The following NIN variants were observed in gnomAD, a reference collection of about 807,000 sequenced individuals.
NIN encodes the protein ninein.
A neutral mutation model predicts 257.6 loss-of-function variants in NIN; 137 were observed. The observed-to-expected ratio is 0.53, with a 90% CI of 0.46 to 0.61. The LOEUF is 0.61. Among genes scored for constraint, NIN ranks in the 20% least tolerant of loss-of-function variants. NIN has a pLI of 0.00. For synonymous variants in NIN, 918 were observed against 919.8 expected (o/e 1.00, Z 0.04); for missense variants, 2,439 against 2,501.2 (o/e 0.98, Z 0.53).
At chr14:50,730,877 G>A (rs780071962) in intron 28 of NIN, 3 of 1,307,624 alleles carry the variant, frequency 2.3e-6, no homozygotes, top group Non-Finnish European at 3.0e-6. Flanking sequence ...GGGGTTTAAT[G>A]AGATGGCTCC....
chr14:50,760,950 T>C (rs1330835519), intron 16 of NIN, among the ~76,000 whole-genome samples: 1 of 152,194 alleles, frequency 6.6e-6, no homozygotes, highest in East Asian at 1.9e-4. Context: ...ATTACAGGCA[T>C]GAGCCACTGT....
At position 50,806,835 on chromosome 14, in the gene NIN, A is replaced by G. The variant is rs778319416; in HGVS notation, c.184-17T>C. ...AAAATGTACCTAAAAAAAATTAAAA[A>G]TAGATTTAAAGTAATTTCCACAGCT... On this transcript the variant is annotated splice_polypyrimidine_tract_variant and intron_variant, in intron 3 of 30. Coordinates refer to ENST00000530997, the MANE Select transcript of NIN (RefSeq NM_020921.4). 3.1e-6 allele frequency: 4 copies of G among 1,277,730 alleles called. No homozygotes were observed. The South Asian group carries it at 5.0e-5, about 16-fold the overall frequency. The allele number at this position is 1,277,730 out of a possible 1,614,324, so 79.1% of individuals were successfully genotyped here.
intron 12 of NIN, among the ~76,000 whole-genome samples, chr14:50,770,057 G>T (rs2042667932): frequency 6.6e-6 from 1 of 152,152 alleles, no homozygotes; most frequent in Non-Finnish European, 1.5e-5. Context: ...AGAAGATGGG[G>T]ATCTGAGGGT....
At chr14:50,808,719 G>A (rs2044446329) in intron 3 of NIN, among the ~76,000 whole-genome samples, 2 of 152,214 alleles carry the variant, frequency 1.3e-5, no homozygotes, top group South Asian at 4.1e-4. Flanking sequence ...CTCAGGAAAT[G>A]TCACAGAGAG....
intron 7 of NIN, among the ~76,000 whole-genome samples, chr14:50,773,963 G>T (rs1243027293): frequency 5.9e-5 from 9 of 152,198 alleles, no homozygotes; most frequent in Admixed American, 5.9e-4. Flanking sequence ...CCTCCCACTA[G>T]CAGTCAGATT....
At chr14:50,729,260 T>TG (rs1348007808) in intron 29 of NIN, among the ~76,000 whole-genome samples, 33 of 140,380 alleles carry the variant, frequency 2.4e-4, no homozygotes, top group African/African-American at 8.8e-4. Flanking sequence ...ATTTTGTTTT[T>TG]TTTTTTTTTA....
At chr14:50,747,806 A>G (rs543320079) in intron 22 of NIN, among the ~76,000 whole-genome samples, 186 bp downstream of exon 22, 20 of 152,244 alleles carry the variant, frequency 1.3e-4, no homozygotes, top group African/African-American at 4.8e-4. Flanking sequence ...ATAATTAGCA[A>G]TAGCCTTTAC....
Position 50,805,966 on chromosome 14 carries a change from T to C in NIN, c.265+771A>G, listed in dbSNP as rs561847546. The C allele has an allele frequency of 2.0e-5, 3 of 152,316 alleles. 1 individual carries two copies. The highest frequency in any genetic ancestry group is 7.2e-5 in the African/African-American group (3 of 41,562). The allele number at this position is 152,316 out of a possible 1,614,324, so 9.4% of individuals were successfully genotyped here. ...ATATAAATTTCCACAGTTTTTAGAC[T>C]TTCCTTTACACATCTACCATATTTC... On this transcript the variant is annotated intron_variant, in intron 4 of 30. Transcript: ENST00000530997.
intron 29 of NIN, chr14:50,727,373 C>G (rs1330303649): frequency 2.0e-6 from 2 of 1,008,152 alleles, no homozygotes; most frequent in African/African-American, 1.7e-5. Context: ...AAAATAGTTA[C>G]AACATATGGA....
intron 7 of NIN, 89 bp downstream of exon 7, chr14:50,776,860 G>A: frequency 1.7e-6 from 2 of 1,166,340 alleles, no homozygotes; most frequent in Non-Finnish European, 2.4e-6. Flanking sequence ...CTAACAAGCT[G>A]CAGAGAGCCA....
intron 21 of NIN, among the ~76,000 whole-genome samples, chr14:50,750,322 A>G (rs1027340852): frequency 1.6e-4 from 24 of 152,202 alleles, no homozygotes; most frequent in Non-Finnish European, 3.1e-4. Context: ...CTTTGTATAC[A>G]TATTAGAAAC....
At position 50,757,609 on chromosome 14, in the gene NIN, G is replaced by C; in HGVS notation, c.3421C>G (p.Arg1141Gly). ...RTKQVEGVTR[R>G]HVLSDLEDDE... ...TCTTCCAGGTCACTTAGGACATGCC[G>C]CCTGGTCACACCTTCTACTTGCTTC... is the stretch of plus-strand genomic sequence containing the variant. Residue 1141 changes from arginine to glycine, a missense_variant, in exon 18 of 31, where the codon CGG becomes GGG. Physicochemically the swap from Arg to Gly is moderately radical, Grantham distance 125 (BLOSUM62 -2). Around this residue, in one of 3 missense-constraint regions of NIN, gnomAD observed 2,043 missense variants for 2,050.2 expected, o/e 1.00. Coordinates refer to ENST00000530997, the MANE Select transcript of NIN (RefSeq NM_020921.4). The C allele has an allele frequency of 1.2e-6, 2 of 1,614,054 alleles. No homozygotes were observed. Among genetic ancestry groups the C allele is most frequent in the Middle Eastern group, 1.6e-4 (1 of 6,062 alleles).
Position 50,831,161 on chromosome 14 carries a change from C to T in NIN, c.-231G>A, listed in dbSNP as rs1341335229. ...AGCTCTGGACGCCGGGGAGGAAGGG[C>T]CGGGCCCGCGCGGGGAGGAGGAGTC... On this transcript the variant is annotated 5_prime_UTR_variant, in exon 1 of 31. Coordinates refer to ENST00000530997, the MANE Select transcript of NIN (RefSeq NM_020921.4). 1.3e-5 allele frequency: 2 copies of T among 150,616 alleles called. No homozygotes were observed. The highest frequency in any genetic ancestry group is 2.4e-5 in the African/African-American group (1 of 41,266). 9.3% of individuals were successfully genotyped at this position (150,616 alleles called of 1,614,324 possible).
At chr14:50,802,447 T>C (rs1044210666) in intron 4 of NIN, among the ~76,000 whole-genome samples, 4 of 152,212 alleles carry the variant, frequency 2.6e-5, no homozygotes, top group Non-Finnish European at 2.9e-5. Context: ...CCCAAGACTA[T>C]AGAAATAACT....
intron 5 of NIN, among the ~76,000 whole-genome samples, chr14:50,788,167 A>G (rs954972862): frequency 8.5e-5 from 13 of 152,350 alleles, no homozygotes; most frequent in African/African-American, 2.9e-4. Flanking sequence ...GCAATTCATA[A>G]CAAGATTTCT....
rs1458589515 is a variant in NIN, at chr14:50,757,267, C to T, written c.3763G>A (p.Val1255Met). Residue 1255 changes from valine (V) to methionine (M), a missense_variant, in exon 18 of 31, where the codon GTG becomes ATG. Physicochemically the swap from Val to Met is conservative, Grantham distance 21. Transcript: ENST00000530997. The part of the protein sequence containing the change: ...SPKYKLLYED[V>M]SRENDCLQEE... ...TGAAGGCAGTCATTTTCTCGGCTCA[C>T]ATCTTCATACAACAGCTTATATTTG... 6.2e-7 allele frequency: 1 copy of T among 1,614,168 alleles called. No individual in the cohort carries two copies. Among genetic ancestry groups the T allele is most frequent in the Non-Finnish European group, 8.5e-7 (1 of 1,180,036 alleles).
At chr14:50,788,584 C>T (rs1432516916) in intron 5 of NIN, among the ~76,000 whole-genome samples, 4 of 152,188 alleles carry the variant, frequency 2.6e-5, no homozygotes, top group Middle Eastern at 3.2e-3. Context: ...GAACCACTAA[C>T]CCAAGAGCCT....
chr14:50,744,258 A>G lies in NIN; in HGVS notation c.5172T>C (p.Asn1724=), dbSNP rs2041432286. The G allele has an allele frequency of 6.2e-7, 1 of 1,613,938 alleles. No individual in the cohort carries two copies. Among genetic ancestry groups the G allele is most frequent in the Admixed American group, 1.7e-5 (1 of 60,024 alleles). ...CTTCTACTACCTTATCGACACAGCTATTTAATTCCTCACTCAGAGCTTCCT... is the reference window on the plus strand; with the variant it reads ...CTTCTACTACCTTATCGACACAGCTGTTTAATTCCTCACTCAGAGCTTCCT... The part of the protein sequence containing the change: ...KEKEALSEEL[N]SCVDKLAKSS... The change falls in exon 23 of 31, where the codon AAT becomes AAC. Residue 1724 remains asparagine, a synonymous_variant. Transcript: ENST00000530997.
intron 29 of NIN, 190 bp from the exon 30 acceptor site, chr14:50,726,256 A>G (rs2040407899): frequency 1.9e-6 from 1 of 524,194 alleles, no homozygotes; most frequent in African/African-American, 1.9e-5. Context: ...ACCCTATCAG[A>G]TAAAGGATCA....
Sources: allele counts gnomAD v4.1 joint callset (sites outside exome capture counted in the v4.1 genomes callset), GRCh38; gene constraint gnomAD v4.1.1; regional missense constraint gnomAD v4.1.1; transcripts MANE v1.5; gene names NCBI Gene and HGNC (gene_info 2026-07-23, HGNC 2026-07-21).